CPQ: variants seen among roughly 807,000 people sequenced by gnomAD.
CPQ encodes carboxypeptidase Q.
In CPQ, 37 loss-of-function variants were observed where a neutral mutation model predicts 45.7. The observed-to-expected ratio is 0.81, with a 90% confidence interval of 0.62 to 1.07. The LOEUF (loss-of-function observed/expected upper bound fraction) is 1.07. Ranked by LOEUF, CPQ falls within the 50% of genes least tolerant of loss-of-function variation. The pLI, the probability that CPQ is intolerant of heterozygous loss-of-function variation, is 0.00. For missense variants in CPQ, 537 were observed against 572.9 expected (o/e 0.94, Z 0.64); for synonymous variants, 186 against 205.8 (o/e 0.90, Z 0.82).
intron 1 of CPQ, among the ~76,000 whole-genome samples, chr8:96,694,013 A>G (rs2130739362): frequency 6.6e-6 from 1 of 152,270 alleles, no homozygotes; most frequent in South Asian, 2.1e-4. Flanking sequence ...CTTGCTTGTT[A>G]GTTTGTTAAT....
intron 1 of CPQ, among the ~76,000 whole-genome samples, chr8:96,681,687 C>T (rs554287258): frequency 1.6e-4 from 25 of 152,266 alleles, no homozygotes; most frequent in African/African-American, 6.0e-4. Context: ...CTGATAGATC[C>T]ACTGATAGCT....
At position 96,759,500 on chromosome 8, in the gene CPQ, C is replaced by CTTATGA. The variant is rs371762045; in HGVS notation, c.-34-25360_-34-25355dup. 4.8e-4 allele frequency among the ~76,000 whole-genome samples: 73 copies of CTTATGA among 152,156 alleles called. 1 individual carries two copies. The highest frequency in any genetic ancestry group is 1.8e-3 in the African/African-American group (73 of 41,502). On this transcript the variant is annotated intron_variant, in intron 1 of 7. Transcript: ENST00000220763. ...CTTATTTTTTGGTGAACTTAAGGAC[C>CTTATGA]TTATGATTAGCATCCATTAGCATTT...
intron 4 of CPQ, among the ~76,000 whole-genome samples, chr8:96,953,402 A>G (rs74724758): frequency 0.071 from 10,863 of 152,046 alleles, 545 homozygotes; most frequent in Non-Finnish European, 0.11. Flanking sequence ...GCTCAAATCT[A>G]TGTGCATATG....
At chr8:96,829,170 GCACA>G (rs1811414310) in intron 2 of CPQ, among the ~76,000 whole-genome samples, 1 of 152,038 alleles carries the variant, frequency 6.6e-6, no homozygotes, top group Admixed American at 6.6e-5. Flanking sequence ...GTGGCTCTCA[GCACA>G]CCACCAAACA....
chr8:96,931,367 G>C (rs2130918805), intron 4 of CPQ, among the ~76,000 whole-genome samples: 1 of 152,280 alleles, frequency 6.6e-6, no homozygotes, highest in East Asian at 1.9e-4. Flanking sequence ...TGGTCCTATA[G>C]TTCATAGTGG....
chr8:96,758,726 C>A (rs570650736), intron 1 of CPQ, among the ~76,000 whole-genome samples: 7 of 151,994 alleles, frequency 4.6e-5, no homozygotes, highest in African/African-American at 1.7e-4. Context: ...TTTTTGTTTT[C>A]TGTTCATTTT....
chr8:96,946,810 T>C (rs1813195409), intron 4 of CPQ, among the ~76,000 whole-genome samples: 1 of 152,238 alleles, frequency 6.6e-6, no homozygotes, highest in East Asian at 1.9e-4. Context: ...GCTGTAGTTC[T>C]CTTTCTCAGA....
intron 3 of CPQ, among the ~76,000 whole-genome samples, chr8:96,855,969 G>A (rs1313963955): frequency 1.3e-5 from 2 of 152,122 alleles, no homozygotes; most frequent in Non-Finnish European, 1.5e-5. Context: ...ACAGATCAAC[G>A]GACAGAACCA....
chr8:97,033,297 C>T (rs747210788), intron 6 of CPQ, among the ~76,000 whole-genome samples: 4 of 152,110 alleles, frequency 2.6e-5, no homozygotes, highest in Non-Finnish European at 4.4e-5. Context: ...AGCTGATGGA[C>T]CAAATCCAGC....
At chr8:97,041,503 C>G (rs540876780) in intron 6 of CPQ, among the ~76,000 whole-genome samples, 8 of 152,126 alleles carry the variant, frequency 5.3e-5, no homozygotes, top group Non-Finnish European at 1.0e-4. Flanking sequence ...TTGCCCTGGC[C>G]AGAACTTCCA....
intron 7 of CPQ, among the ~76,000 whole-genome samples, chr8:97,103,627 T>A (rs1168972919): frequency 6.6e-6 from 1 of 152,156 alleles, no homozygotes; most frequent in East Asian, 1.9e-4. Flanking sequence ...GGTGCATTCC[T>A]CAAAAGCATT....
chr8:96,949,057 G>A (rs1813227019), intron 4 of CPQ, among the ~76,000 whole-genome samples: 1 of 152,074 alleles, frequency 6.6e-6, no homozygotes, highest in African/African-American at 2.4e-5. Flanking sequence ...TTCCTGTGGA[G>A]TGCATGTAGT....
intron 2 of CPQ, among the ~76,000 whole-genome samples, chr8:96,833,782 A>G (rs1811490311): frequency 6.6e-6 from 1 of 152,192 alleles, no homozygotes; most frequent in Non-Finnish European, 1.5e-5. Context: ...GAAAATAGAA[A>G]TTCAGTCTGG....
intron 7 of CPQ, among the ~76,000 whole-genome samples, chr8:97,082,551 A>T (rs1810968632): frequency 6.6e-6 from 1 of 152,196 alleles, no homozygotes; most frequent in Non-Finnish European, 1.5e-5. Context: ...AGTCAGCAGT[A>T]AGATCCCAAG....
intron 1 of CPQ, among the ~76,000 whole-genome samples, chr8:96,768,249 T>C (rs1810494454): frequency 6.6e-6 from 1 of 152,140 alleles, no homozygotes; most frequent in South Asian, 2.1e-4. Context: ...TTTGAATAAT[T>C]GTTTTAGCTC....
intron 3 of CPQ, among the ~76,000 whole-genome samples, chr8:96,867,275 G>A (rs1812007952): frequency 1.3e-5 from 2 of 151,940 alleles, no homozygotes; most frequent in African/African-American, 4.8e-5. Flanking sequence ...AATGAAGGAA[G>A]GAACACCCAC....
chr8:96,855,027 G>A (rs560228499), intron 3 of CPQ, among the ~76,000 whole-genome samples: 8 of 152,128 alleles, frequency 5.3e-5, no homozygotes, highest in African/African-American at 1.2e-4. Flanking sequence ...GAAATTCAAG[G>A]CTTGATATCC....
intron 6 of CPQ, among the ~76,000 whole-genome samples, chr8:97,050,912 A>G (rs999637923): frequency 1.3e-5 from 2 of 152,172 alleles, no homozygotes; most frequent in Non-Finnish European, 2.9e-5. Context: ...ATAGCTTGGT[A>G]TATTATAGCC....
In CPQ at chr8:96,779,899, A is replaced by G. The variant is rs560256991; in HGVS notation, c.-34-4965A>G. ...TAGTGGCTTTAGAAACCAGGACCCTATGCATATAAATAGTTGTAATAAAAA... is the reference window on the plus strand; with the variant it reads ...TAGTGGCTTTAGAAACCAGGACCCTGTGCATATAAATAGTTGTAATAAAAA... On this transcript the variant is annotated intron_variant, in intron 1 of 7. Coordinates refer to ENST00000220763, the MANE Select transcript of CPQ (RefSeq NM_016134.4). 2.0e-5 allele frequency among the ~76,000 whole-genome samples: 3 copies of G among 152,312 alleles called. 1 individual carries two copies. In the South Asian group the frequency reaches 6.2e-4, roughly 32 times the overall value.
Sources: allele counts gnomAD v4.1 joint callset (sites outside exome capture counted in the v4.1 genomes callset), GRCh38; gene constraint gnomAD v4.1.1; transcripts MANE v1.5; gene names NCBI Gene and HGNC (gene_info 2026-07-23, HGNC 2026-07-21).